The following ITGA2 variants were observed in gnomAD, a reference collection of about 807,000 sequenced individuals.
The protein encoded by ITGA2 is integrin alpha-2.
ITGA2 carries 101 observed loss-of-function variants against 146.3 expected under a neutral mutation model. The observed-to-expected ratio is 0.69, with a 90% CI of 0.59 to 0.81. The LOEUF (loss-of-function observed/expected upper bound fraction) is 0.81. ITGA2 is among the 40% of genes least tolerant of loss of function. ITGA2 has a pLI of 0.00. For synonymous variants in ITGA2, 477 were observed against 487.1 expected (o/e 0.98, Z 0.27); for missense variants, 1,281 against 1,402.7 (o/e 0.91, Z 1.39).
At chr5:53,005,964 A>G (rs1244135682) in intron 1 of ITGA2, among the ~76,000 whole-genome samples, 1 of 152,190 alleles carries the variant, frequency 6.6e-6, no homozygotes, top group Non-Finnish European at 1.5e-5. Flanking sequence ...ACACAGAAAC[A>G]GAAAACCAAA....
In ITGA2 at chr5:53,053,559, T is replaced by G. The variant is rs557975094; in HGVS notation, c.780-1979T>G. On this transcript the variant is annotated intron_variant, in intron 7 of 29. Transcript: ENST00000296585. Reference sequence around the variant, plus strand: ...AAGGAGCCTGGGGCCCTGGCGAGCTTTGTTCTCCAGGACAATGGCCACTGT... The same window carrying G: ...AAGGAGCCTGGGGCCCTGGCGAGCTGTGTTCTCCAGGACAATGGCCACTGT... 7.2e-5 allele frequency among the ~76,000 whole-genome samples: 11 copies of G among 152,218 alleles called. 1 individual carries two copies. The East Asian group carries it at 1.9e-3, about 27-fold the overall frequency.
At chr5:53,035,408 T>G (rs1464527986) in intron 2 of ITGA2, among the ~76,000 whole-genome samples, 2 of 152,180 alleles carry the variant, frequency 1.3e-5, no homozygotes, top group Non-Finnish European at 2.9e-5. Context: ...GCTTAAGATG[T>G]TTTAGCAATA....
At chr5:53,081,522 C>G (rs951216783) in intron 25 of ITGA2, 70 bp from the exon 26 acceptor site, 127 of 1,225,174 alleles carry the variant, frequency 1.0e-4, no homozygotes, top group Non-Finnish European at 1.4e-4. Flanking sequence ...GTAGGATTTC[C>G]TAACATGTTG....
At chr5:53,036,086 C>T (rs571276956) in intron 2 of ITGA2, among the ~76,000 whole-genome samples, 48 of 128,888 alleles carry the variant, frequency 3.7e-4, no homozygotes, top group Non-Finnish European at 5.2e-4. Flanking sequence ...CATTGAAAGA[C>T]CAACTCCTCA....
intron 1 of ITGA2, among the ~76,000 whole-genome samples, chr5:52,991,772 T>C (rs1341716951): frequency 6.6e-6 from 1 of 152,160 alleles, no homozygotes; most frequent in Non-Finnish European, 1.5e-5. Flanking sequence ...AAGAAGAAAA[T>C]GTACTCATAG....
intron 27 of ITGA2, among the ~76,000 whole-genome samples, chr5:53,084,289 T>A (rs904554524): frequency 9.1e-5 from 12 of 132,048 alleles, no homozygotes; most frequent in Non-Finnish European, 1.6e-4. Context: ...TAGCTCTTAC[T>A]AGATTTTTTT....
intron 2 of ITGA2, among the ~76,000 whole-genome samples, chr5:53,030,126 G>A (rs1470306718): frequency 6.6e-6 from 1 of 152,228 alleles, no homozygotes; most frequent in African/African-American, 2.4e-5. Flanking sequence ...GGGACACAGA[G>A]TTGAGAGGAT....
At chr5:53,061,702 T>A (rs1361364208) in intron 12 of ITGA2, among the ~76,000 whole-genome samples, 1 of 151,956 alleles carries the variant, frequency 6.6e-6, no homozygotes, top group African/African-American at 2.4e-5. Context: ...CCTGTTTCCT[T>A]ACTAAACAGT....
intron 1 of ITGA2, among the ~76,000 whole-genome samples, chr5:53,009,591 G>C (rs1742022897): frequency 6.6e-6 from 1 of 152,104 alleles, no homozygotes; most frequent in South Asian, 2.1e-4. Flanking sequence ...TAAATTGTGA[G>C]AGGAAAGAGA....
chr5:53,066,038 G>C, intron 15 of ITGA2, 61 bp downstream of exon 15: 1 of 1,490,618 alleles, frequency 6.7e-7, no homozygotes, highest in South Asian at 1.1e-5. Flanking sequence ...AAGCAGAACA[G>C]ATGTCTGTAC....
At chr5:53,074,544 A>T (rs1024682123) in intron 21 of ITGA2, 67 bp downstream of exon 21, 2 of 1,205,502 alleles carry the variant, frequency 1.7e-6, no homozygotes, top group African/African-American at 3.0e-5. Flanking sequence ...ATTTACCAAC[A>T]TAACATCTTG....
At position 53,056,056 on chromosome 5, in the gene ITGA2, A is replaced by G. The variant is rs753408053; in HGVS notation, c.1003A>G (p.Ile335Val). The change falls in exon 9 of 30, where the codon ATT (isoleucine) becomes GTT (valine). Residue 335 changes from isoleucine to valine, a missense_variant. Around this residue, in one of 3 missense-constraint regions of ITGA2, gnomAD observed 795 missense variants for 841.7 expected, o/e 0.94. Transcript: ENST00000296585. ...LIKEIKAIAS[I>V]PTERYFFNVS... is the part of the protein sequence containing the mutation. ...AAAAGAAATAAAAGCAATCGCTAGT[A>G]TTCCAACAGAAAGATACTTTTTCAA... 24 of 1,611,292 alleles carry G rather than the reference A, an allele frequency of 1.5e-5. No homozygotes were observed. The Middle Eastern group carries it at 1.2e-3, about 78-fold the overall frequency.
At chr5:53,022,574 T>G (rs1012767110) in intron 1 of ITGA2, among the ~76,000 whole-genome samples, 3 of 152,194 alleles carry the variant, frequency 2.0e-5, no homozygotes, top group Non-Finnish European at 4.4e-5. Flanking sequence ...TGTAAATTTT[T>G]GTTTGTTTGA....
chr5:53,032,252 T>C (rs368731496), intron 2 of ITGA2, among the ~76,000 whole-genome samples: 11 of 152,334 alleles, frequency 7.2e-5, no homozygotes, highest in African/African-American at 2.6e-4. Context: ...CTACATGTGT[T>C]ATGAATATAG....
chr5:53,026,594 A>G (rs1742958606), intron 1 of ITGA2, among the ~76,000 whole-genome samples, 154 bp from the exon 2 acceptor site: 1 of 152,214 alleles, frequency 6.6e-6, no homozygotes, highest in South Asian at 2.1e-4. Context: ...CCAAATAAGT[A>G]CTTAAAAAGC....
At chr5:53,058,141 G>T (rs772544565) in intron 10 of ITGA2, 40 bp downstream of exon 10, 1 of 1,433,096 alleles carries the variant, frequency 7.0e-7, no homozygotes, top group Non-Finnish European at 9.8e-7. Context: ...TTGTCATTTG[G>T]CATAACACTT....
At chr5:53,035,357 C>G (rs1743438869) in intron 2 of ITGA2, among the ~76,000 whole-genome samples, 1 of 152,150 alleles carries the variant, frequency 6.6e-6, no homozygotes, top group East Asian at 1.9e-4. Context: ...TCTTCTAGTG[C>G]CAAAGCCAAT....
chr5:52,998,935 G>A (rs1741432676), intron 1 of ITGA2, among the ~76,000 whole-genome samples: 1 of 152,290 alleles, frequency 6.6e-6, no homozygotes, highest in East Asian at 1.9e-4. Flanking sequence ...ATTTGTAAGT[G>A]TATCTGAATT....
At chr5:53,015,315 A>G (rs1194970635) in intron 1 of ITGA2, among the ~76,000 whole-genome samples, 1 of 152,116 alleles carries the variant, frequency 6.6e-6, no homozygotes, top group Non-Finnish European at 1.5e-5. Context: ...ATTAGTTTCA[A>G]AGAATTTCTT....
Sources: gnomAD v4.1 joint callset for allele counts (sites outside exome capture counted in the v4.1 genomes callset) on GRCh38, gnomAD v4.1.1 for gene constraint, gnomAD v4.1.1 regional missense constraint, MANE v1.5 for transcripts, NCBI Gene and HGNC (gene_info 2026-07-23, HGNC 2026-07-21) for gene names.